FARP1: variants seen among roughly 807,000 people sequenced by gnomAD.
FARP1 encodes the protein FERM, ARHGEF and pleckstrin domain-containing protein 1.
In FARP1, 52 loss-of-function variants were observed where a neutral mutation model predicts 128.8. The observed-to-expected ratio is 0.40, with a 90% confidence interval of 0.32 to 0.51. The LOEUF (loss-of-function observed/expected upper bound fraction) is 0.51. Ranked by LOEUF, FARP1 falls within the 20% of genes least tolerant of loss-of-function variation. The pLI is 0.45. For missense variants in FARP1, 1,333 were observed against 1,367.9 expected (o/e 0.97, Z 0.40); for synonymous variants, 580 against 551.8 (o/e 1.05, Z -0.72).
At chr13:98,157,355 C>T (rs1876566754) in intron 1 of FARP1, among the ~76,000 whole-genome samples, 1 of 151,848 alleles carries the variant, frequency 6.6e-6, no homozygotes, top group Non-Finnish European at 1.5e-5. Flanking sequence ...AGGTGAACTT[C>T]CTACAAGCCA....
chr13:98,341,649 C>G (rs1887979302), intron 2 of FARP1, among the ~76,000 whole-genome samples: 1 of 151,976 alleles, frequency 6.6e-6, no homozygotes, highest in Non-Finnish European at 1.5e-5. Flanking sequence ...CAAAAACAAA[C>G]AACAACAACA....
Position 98,421,155 on chromosome 13 carries a change from G to A in FARP1, c.1827-3417G>A, listed in dbSNP as rs116105105. Among the ~76,000 whole-genome samples, 935 of 152,350 alleles carry A rather than the reference G, an allele frequency of 6.1e-3. 10 individuals carry two copies. The highest frequency in any genetic ancestry group is 0.021 in the African/African-American group (886 of 41,570). On this transcript the variant is annotated intron_variant, in intron 16 of 26. Transcript: ENST00000319562. ...TCCAACTGCACAGAGGTCTGATGGT[G>A]CCAACCCAGAGCCTTCTCTACCATG...
chr13:98,442,262 T>C (rs1490283364), intron 24 of FARP1, among the ~76,000 whole-genome samples: 6 of 152,208 alleles, frequency 3.9e-5, no homozygotes, highest in African/African-American at 1.4e-4. Flanking sequence ...TTGCTGGCTC[T>C]TGGAACCAAC....
rs149245527 is a variant in FARP1 at position 98,306,585 on chromosome 13, G to A, written c.172-37177G>A. ...GCTGGAGTGCAGTCGTGCAATTGTG[G>A]CCCGCTGCAGCCTCGAACTCCTGGG... is the stretch of plus-strand genomic sequence containing the variant. On this transcript the variant is annotated intron_variant, in intron 2 of 26. Coordinates refer to ENST00000319562, the MANE Select transcript of FARP1 (RefSeq NM_005766.4). Among the ~76,000 whole-genome samples, 4 of 152,052 alleles carry A rather than the reference G, an allele frequency of 2.6e-5. No individual in the cohort carries two copies. In the East Asian group the frequency reaches 7.7e-4, roughly 29 times the overall value.
chr13:98,414,235 T>C (rs1257691069), intron 16 of FARP1, among the ~76,000 whole-genome samples: 1 of 152,182 alleles, frequency 6.6e-6, no homozygotes, highest in East Asian at 1.9e-4. Flanking sequence ...ATGTAACCCA[T>C]GTTTTACAGA....
In FARP1 at chr13:98,213,171, T is replaced by C. The variant is rs1392235864; in HGVS notation, c.-23-49T>C. 3 of 1,485,702 alleles carry C rather than the reference T, an allele frequency of 2.0e-6. No homozygotes were observed. In the East Asian group the frequency reaches 6.9e-5, roughly 34 times the overall value. 92.0% of individuals were successfully genotyped at this position (1,485,702 alleles called of 1,614,324 possible). Reference sequence around the variant, plus strand: ...GGTTCAAGGTGGCACACAGCTTGGGTGGTAGTCTCCTATTCTGATGTGTTT... The same window carrying C: ...GGTTCAAGGTGGCACACAGCTTGGGCGGTAGTCTCCTATTCTGATGTGTTT... On this transcript the variant is annotated intron_variant, in intron 1 of 26. Coordinates refer to ENST00000319562, the MANE Select transcript of FARP1 (RefSeq NM_005766.4).
intron 3 of FARP1, among the ~76,000 whole-genome samples, chr13:98,348,437 A>AT (rs1414984011): frequency 1.3e-5 from 2 of 152,254 alleles, no homozygotes; most frequent in East Asian, 3.9e-4. Flanking sequence ...CCAGAAAGCC[A>AT]TTAGATGGCC....
intron 26 of FARP1, chr13:98,447,863 AAAAAG>A (rs1456772811): frequency 3.2e-5 from 7 of 218,268 alleles, no homozygotes; most frequent in African/African-American, 1.6e-4. Flanking sequence ...AAGAAAAAGA[AAAAAG>A]GAAGGGAGAG....
chr13:98,312,199 G>A (rs1854451237), intron 2 of FARP1, among the ~76,000 whole-genome samples: 1 of 148,168 alleles, frequency 6.7e-6, no homozygotes, highest in Non-Finnish European at 1.5e-5. Flanking sequence ...GGAGTGGAGT[G>A]GCGTGATCTT....
chr13:98,333,644 A>G (rs2139837929), intron 2 of FARP1: 1 of 152,362 alleles, frequency 6.6e-6, no homozygotes, highest in African/African-American at 2.4e-5. Flanking sequence ...GTGTTTAACG[A>G]GGGTTCTGAA....
intron 2 of FARP1, among the ~76,000 whole-genome samples, chr13:98,303,038 T>C (rs1453498909): frequency 6.6e-6 from 1 of 152,182 alleles, no homozygotes; most frequent in East Asian, 1.9e-4. Context: ...TCTGTTTTGA[T>C]TGTAAAGGGA....
At chr13:98,187,127 A>G (rs1741027068) in intron 1 of FARP1, among the ~76,000 whole-genome samples, 2 of 151,044 alleles carry the variant, frequency 1.3e-5, no homozygotes, top group South Asian at 4.2e-4. Flanking sequence ...TCTATATTTA[A>G]TTTTTTGAGG....
intron 14 of FARP1, among the ~76,000 whole-genome samples, chr13:98,410,250 G>A (rs916208043): frequency 2.6e-5 from 4 of 152,188 alleles, no homozygotes; most frequent in African/African-American, 4.8e-5. Context: ...ACTGACAGCC[G>A]CCAAGGGAGT....
chr13:98,359,974 C>T (rs1207809655), intron 3 of FARP1, among the ~76,000 whole-genome samples: 1 of 152,052 alleles, frequency 6.6e-6, no homozygotes, highest in East Asian at 1.9e-4. Flanking sequence ...GGCGGTATTG[C>T]AGCTGAATTA....
chr13:98,148,239 G>A (rs560965275), intron 1 of FARP1, among the ~76,000 whole-genome samples: 5 of 152,274 alleles, frequency 3.3e-5, no homozygotes, highest in Non-Finnish European at 5.9e-5. Flanking sequence ...TTAGCCAGGC[G>A]TGGTGGCGCG....
chr13:98,319,047 C>T (rs868208367), intron 2 of FARP1, among the ~76,000 whole-genome samples: 7 of 149,110 alleles, frequency 4.7e-5, no homozygotes, highest in African/African-American at 7.4e-5. Flanking sequence ...ACTGCAGCCT[C>T]GGCCCCCTGG....
At chr13:98,318,068 CTTTTTTTT>C (rs35762706) in intron 2 of FARP1, among the ~76,000 whole-genome samples, 95 of 104,206 alleles carry the variant, frequency 9.1e-4, no homozygotes, top group African/African-American at 3.2e-3. Flanking sequence ...TCTCCTCCTC[CTTTTTTTT>C]TTTTTTTTTT....
intron 12 of FARP1, among the ~76,000 whole-genome samples, chr13:98,394,642 A>T (rs983563001): frequency 3.3e-5 from 5 of 152,212 alleles, no homozygotes; most frequent in Admixed American, 6.5e-5. Flanking sequence ...CTATAAAAAA[A>T]TTTAAAAATT....
At position 98,410,802 on chromosome 13, in the gene FARP1, G is replaced by A; in HGVS notation, c.1671G>A (p.Lys557=). The change falls in exon 15 of 27, where the codon AAG becomes AAA. Residue 557 remains lysine, a synonymous_variant. Transcript: ENST00000319562. ...EVSTTERTYL[K]DLEVITSWFQ... ...CTACCACCGAGCGAACATATCTGAA[G>A]GATCTCGAAGTTATCACTTCGGTAT... 1.3e-6 allele frequency: 2 copies of A among 1,590,800 alleles called. No homozygotes were observed. The highest frequency in any genetic ancestry group is 2.2e-5 in the South Asian group (2 of 89,440).
Sources: allele counts gnomAD v4.1 joint callset (sites outside exome capture counted in the v4.1 genomes callset), GRCh38; gene constraint gnomAD v4.1.1; transcripts MANE v1.5; gene names NCBI Gene and HGNC (gene_info 2026-07-23, HGNC 2026-07-21).